NETO1: variants seen among roughly 807,000 people sequenced by gnomAD.
NETO1 encodes neuropilin and tolloid-like protein 1.
NETO1 carries 26 observed loss-of-function variants against 61.3 expected under a neutral mutation model. The observed-to-expected ratio is 0.42, with a 90% CI of 0.31 to 0.59. The LOEUF is 0.59. Ranked by LOEUF, NETO1 falls within the 20% of genes least tolerant of loss-of-function variation. The pLI is 0.12. For missense variants in NETO1, 531 were observed against 662.8 expected, an observed-to-expected ratio of 0.80 and a Z score of 2.18; for synonymous variants, 225 against 225.8, an observed-to-expected ratio of 1.00 and a Z score of 0.03.
At position 72,847,933 on chromosome 18, in the gene NETO1, G is replaced by C. The variant is rs1284166185; in HGVS notation, c.469+10893C>G. Among the ~76,000 whole-genome samples the C allele has an allele frequency of 2.0e-5, 3 of 152,342 alleles. No homozygotes were observed. In the East Asian group the frequency reaches 5.8e-4, roughly 29 times the overall value. On this transcript the variant is annotated intron_variant, in intron 4 of 10. Coordinates refer to ENST00000327305, the MANE Select transcript of NETO1 (RefSeq NM_138966.5). ...GTTCCTTACTACAGGCCCTAGGGGA[G>C]AATGTTTCCATTGCCTTTTTCAGGA...
chr18:72,824,232 C>T (rs1023637554), intron 4 of NETO1, among the ~76,000 whole-genome samples: 3 of 152,156 alleles, frequency 2.0e-5, no homozygotes, highest in African/African-American at 7.2e-5. Context: ...TTAGTGGGTA[C>T]TTATCGAATA....
intron 4 of NETO1, among the ~76,000 whole-genome samples, chr18:72,823,583 A>G (rs1228911290): frequency 1.3e-5 from 2 of 152,126 alleles, no homozygotes; most frequent in South Asian, 2.1e-4. Flanking sequence ...GACGGGAGTT[A>G]AAAGGATGGA....
At chr18:72,743,169 A>G (rs1349267342), downstream of NETO1, among the ~76,000 whole-genome samples, 1 of 152,170 alleles carries the variant, frequency 6.6e-6, no homozygotes, top group Non-Finnish European at 1.5e-5. Flanking sequence ...ATGCACTCAG[A>G]AATCATGATG....
At chr18:72,839,717 T>C (rs2073861777) in intron 4 of NETO1, among the ~76,000 whole-genome samples, 1 of 152,222 alleles carries the variant, frequency 6.6e-6, no homozygotes, top group African/African-American at 2.4e-5. Flanking sequence ...AATAGAGTAA[T>C]ATCTACATGA....
At chr18:72,864,757 G>C (rs756121976) in intron 3 of NETO1, 51 bp downstream of exon 3, 2 of 1,610,750 alleles carry the variant, frequency 1.2e-6, no homozygotes, top group Non-Finnish European at 1.7e-6. Context: ...GCACAGAGAT[G>C]GCAAGGTTTT....
At chr18:72,796,570 A>G (rs1357871490) in intron 4 of NETO1, among the ~76,000 whole-genome samples, 1 of 152,028 alleles carries the variant, frequency 6.6e-6, no homozygotes, top group Non-Finnish European at 1.5e-5. Flanking sequence ...TTCACCTCCC[A>G]GGTTCACACC....
At chr18:72,840,881 T>A (rs1318822071) in intron 4 of NETO1, among the ~76,000 whole-genome samples, 1 of 152,214 alleles carries the variant, frequency 6.6e-6, no homozygotes, top group African/African-American at 2.4e-5. Flanking sequence ...GAACGTCAAC[T>A]ATCAGATAGT....
At chr18:72,865,034 A>G (rs1190850029) in intron 2 of NETO1, 89 bp from the exon 3 acceptor site, 1 of 1,457,210 alleles carries the variant, frequency 6.9e-7, no homozygotes, top group Non-Finnish European at 9.3e-7. Context: ...AATATCCATT[A>G]GTAAATTAAT....
At chr18:72,763,174 A>T (rs1470814548) in intron 7 of NETO1, among the ~76,000 whole-genome samples, 1 of 151,904 alleles carries the variant, frequency 6.6e-6, no homozygotes, top group South Asian at 2.1e-4. Flanking sequence ...ATAATATTCA[A>T]GAAATATTAA....
rs375052786 is a variant in NETO1 at position 72,818,777 on chromosome 18, T to G, written c.470-24373A>C. 3.9e-5 allele frequency among the ~76,000 whole-genome samples: 6 copies of G among 152,260 alleles called. No homozygotes were observed. In the East Asian group the frequency reaches 9.6e-4, roughly 24 times the overall value. ...CTCATTATAACTTTATATAAACATTTTTTCGTTTATCTATTAAATTATAGA... is the reference window on the plus strand; with the variant it reads ...CTCATTATAACTTTATATAAACATTGTTTCGTTTATCTATTAAATTATAGA... On this transcript the variant is annotated intron_variant, in intron 4 of 10. Coordinates refer to ENST00000327305, the MANE Select transcript of NETO1 (RefSeq NM_138966.5).
In NETO1 at chr18:72,865,131, T is replaced by C; in HGVS notation, c.82+57A>G. 2.6e-6 allele frequency: 4 copies of C among 1,532,312 alleles called. No homozygotes were observed. The African/African-American group carries it at 4.1e-5, about 16-fold the overall frequency. The allele number at this position is 1,532,312 out of a possible 1,614,324, so 94.9% of individuals were successfully genotyped here. On this transcript the variant is annotated intron_variant, in intron 2 of 10. Coordinates refer to ENST00000327305, the MANE Select transcript of NETO1 (RefSeq NM_138966.5). ...TGGAATATTAACAGTAGGAGGAAAATAGGAAAATACAAAATAATTCGAGGT... is the reference window on the plus strand; with the variant it reads ...TGGAATATTAACAGTAGGAGGAAAACAGGAAAATACAAAATAATTCGAGGT...
intron 4 of NETO1, among the ~76,000 whole-genome samples, chr18:72,841,596 T>C (rs981774527): frequency 1.3e-5 from 2 of 151,798 alleles, no homozygotes; most frequent in Admixed American, 1.3e-4. Context: ...CAGCCGGGCA[T>C]GGTAGTGTGC....
At chr18:72,816,271 A>C (rs989314947) in intron 4 of NETO1, among the ~76,000 whole-genome samples, 2 of 152,176 alleles carry the variant, frequency 1.3e-5, no homozygotes, top group African/African-American at 2.4e-5. Flanking sequence ...TGTAAAAAAG[A>C]AGCATTCATG....
rs1159154280 is a variant in NETO1, at chr18:72,746,518, T to TA, written c.*1660dup. ...TCTGTAGCTTGACATTTTTTCAAGA[T>TA]AGAGTGTTTATAATGGCTATGATAA... On this transcript the variant is annotated 3_prime_UTR_variant, in exon 11 of 11. Coordinates refer to ENST00000327305, the MANE Select transcript of NETO1 (RefSeq NM_138966.5). Among the ~76,000 whole-genome samples, 2 of 152,140 alleles carry TA rather than the reference T, an allele frequency of 1.3e-5. No homozygotes were observed. Among genetic ancestry groups the TA allele is most frequent in the African/African-American group, 2.4e-5 (1 of 41,452 alleles).
intron 4 of NETO1, among the ~76,000 whole-genome samples, chr18:72,820,962 A>G (rs891360430): frequency 1.3e-5 from 2 of 152,128 alleles, no homozygotes; most frequent in Admixed American, 1.3e-4. Flanking sequence ...GTAGATAGAT[A>G]GATAGACTTA....
At chr18:72,748,292 G>A in intron 10 of NETO1, 128 bp from the exon 11 acceptor site, 1 of 984,538 alleles carries the variant, frequency 1.0e-6, no homozygotes, top group Non-Finnish European at 1.2e-6. Context: ...TAGGCTTGAG[G>A]AGTTTAGAAG....
intron 4 of NETO1, among the ~76,000 whole-genome samples, chr18:72,840,651 T>TA (rs1191570363): frequency 1.6e-5 from 2 of 127,526 alleles, no homozygotes; most frequent in East Asian, 4.6e-4. Flanking sequence ...TTTTTTTTTT[T>TA]AAAAAGAAAG....
intron 1 of NETO1, 67 bp downstream of exon 1, chr18:72,867,197 C>G: frequency 7.9e-7 from 1 of 1,267,752 alleles, no homozygotes; most frequent in Non-Finnish European, 1.1e-6. Context: ...CCTGCGCGTT[C>G]GGCCCCGGGA....
chr18:72,761,750 C>A (rs1312059635), intron 7 of NETO1, among the ~76,000 whole-genome samples: 1 of 152,142 alleles, frequency 6.6e-6, no homozygotes, highest in Admixed American at 6.5e-5. Flanking sequence ...TTGATGTTAT[C>A]TATGGGTACC....
Sources: gnomAD v4.1 joint callset for allele counts (sites outside exome capture counted in the v4.1 genomes callset) on GRCh38, gnomAD v4.1.1 for gene constraint, MANE v1.5 for transcripts, NCBI Gene and HGNC (gene_info 2026-07-23, HGNC 2026-07-21) for gene names.